Variants in IDO2 observed in about 807,000 individuals in gnomAD.
The protein encoded by IDO2 is indoleamine 2,3-dioxygenase-like 1 protein.
A neutral mutation model predicts 45.1 loss-of-function variants in IDO2; 46 were observed. That is an observed-to-expected ratio of 1.02 (90% confidence interval 0.80 to 1.30). The LOEUF is 1.30. IDO2 is among the 50% of genes most tolerant of loss of function. IDO2 has a pLI of 0.00. For synonymous variants in IDO2, 218 were observed against 184.9 expected, an observed-to-expected ratio of 1.18 and a Z score of -1.45; for missense variants, 544 against 491.8, an observed-to-expected ratio of 1.11 and a Z score of -1.00.
At chr8:39,955,582 G>A (rs996074117) in intron 2 of IDO2, among the ~76,000 whole-genome samples, 2 of 151,950 alleles carry the variant, frequency 1.3e-5, no homozygotes, top group Admixed American at 1.3e-4. Context: ...ATGCCAGGTG[G>A]GGGGAGGGGA....
chr8:39,955,594 A>C (rs1429179580), intron 2 of IDO2, among the ~76,000 whole-genome samples: 1 of 152,084 alleles, frequency 6.6e-6, no homozygotes, highest in Non-Finnish European at 1.5e-5. Context: ...GGGAGGGGAC[A>C]GAGAAAGTTG....
At chr8:39,985,751 C>T in intron 6 of IDO2, 1 of 518,224 alleles carries the variant, frequency 1.9e-6, no homozygotes, top group East Asian at 3.2e-5. Flanking sequence ...CTGTATTTTC[C>T]AGTCTGTACA....
chr8:39,951,275 A>ATT (rs71220803), intron 2 of IDO2, among the ~76,000 whole-genome samples: 1 of 136,030 alleles, frequency 7.4e-6, no homozygotes. Flanking sequence ...GGACCCCAAG[A>ATT]TTTTTTTTTT....
At chr8:40,010,024 C>CATTTCA (rs1321680883) in intron 9 of IDO2, among the ~76,000 whole-genome samples, 1 of 120,210 alleles carries the variant, frequency 8.3e-6, no homozygotes, top group Non-Finnish European at 1.8e-5. Context: ...CTGGAGCTTA[C>CATTTCA]ATTTCAATGC....
intron 4 of IDO2, among the ~76,000 whole-genome samples, chr8:39,981,834 G>C (rs1009839602): frequency 3.3e-5 from 5 of 152,146 alleles, no homozygotes; most frequent in African/African-American, 1.2e-4. Context: ...ATCTAGACTC[G>C]TTCAGCCTTT....
intron 5 of IDO2, among the ~76,000 whole-genome samples, chr8:39,983,424 C>T (rs955910033): frequency 3.3e-5 from 5 of 152,182 alleles, no homozygotes; most frequent in Non-Finnish European, 5.9e-5. Context: ...ACAGCACTTT[C>T]TTTTGTGGCT....
intron 3 of IDO2, among the ~76,000 whole-genome samples, chr8:39,973,730 G>GTTTT (rs1808215281): frequency 8.5e-6 from 1 of 117,454 alleles, no homozygotes; most frequent in Non-Finnish European, 1.7e-5. Flanking sequence ...GGGTTTTCTT[G>GTTTT]TGTTTCGTTT....
rs546649710 is a variant in IDO2 at position 40,008,482 on chromosome 8, C to T, written c.719+3104C>T. On this transcript the variant is annotated intron_variant, in intron 9 of 10. Transcript: ENST00000502986. Reference sequence around the variant, plus strand: ...TTACCTAGGTAATTCAGGATAACTCCCTATGTCAAGGTCAACTGATTAATA... The same window carrying T: ...TTACCTAGGTAATTCAGGATAACTCTCTATGTCAAGGTCAACTGATTAATA... Among the ~76,000 whole-genome samples the T allele has an allele frequency of 7.0e-4, 106 of 152,302 alleles. 2 individuals are homozygous for T. The South Asian group carries it at 0.021, about 31-fold the overall frequency.
At chr8:39,987,992 C>G (rs73621312) in intron 7 of IDO2, 22 bp downstream of exon 7, 1 of 1,423,370 alleles carries the variant, frequency 7.0e-7, no homozygotes, top group Non-Finnish European at 9.8e-7. Context: ...CTTGATAGCA[C>G]CTTTTCTTTT....
chr8:39,989,726 T>C, exon 8 of IDO2: 1 of 1,585,026 alleles, frequency 6.3e-7, no homozygotes, highest in South Asian at 1.2e-5. Flanking sequence ...CCTAGGCTCT[T>C]GTTCAGGCCA....
At chr8:39,995,251 C>CTTCTTCTTCTTCTTCTTCTTCTT (rs1554548609) in intron 8 of IDO2, 1 of 78,030 alleles carries the variant, frequency 1.3e-5, no homozygotes, top group African/African-American at 5.1e-5. Flanking sequence ...TTCTCCTTCT[C>CTTCTTCTTCTTCTTCTTCTTCTT]CTTCTTCTTC....
At chr8:39,965,038 T>G (rs1473902331) in intron 3 of IDO2, among the ~76,000 whole-genome samples, 1 of 152,222 alleles carries the variant, frequency 6.6e-6, no homozygotes, top group African/African-American at 2.4e-5. Flanking sequence ...TCGTCTGCCG[T>G]AGGCATTTAC....
chr8:39,989,722 C>CTCT, exon 8 of IDO2: 5 of 1,579,920 alleles, frequency 3.2e-6, no homozygotes, highest in Non-Finnish European at 4.3e-6. Context: ...CATCCCTAGG[C>CTCT]TCTTGTTCAG....
chr8:39,964,642 GT>G (rs1209979370), intron 3 of IDO2, among the ~76,000 whole-genome samples: 2 of 152,214 alleles, frequency 1.3e-5, no homozygotes, highest in Non-Finnish European at 2.9e-5. Context: ...CTAGAACCTT[GT>G]AAAAGATGAG....
At chr8:39,963,832 T>C in intron 3 of IDO2, 129 bp downstream of exon 3, 2 of 570,210 alleles carry the variant, frequency 3.5e-6, no homozygotes, top group Non-Finnish European at 3.1e-6. Flanking sequence ...TCAGCAAAGC[T>C]ATATCTTCCT....
chr8:39,951,023 G>A (rs547061158), intron 2 of IDO2, among the ~76,000 whole-genome samples: 99 of 40,084 alleles, frequency 2.5e-3, no homozygotes, highest in African/African-American at 4.4e-3. Flanking sequence ...AGCGAAACTC[G>A]TCTCAAAACA....
intron 8 of IDO2, chr8:39,995,254 T>TCTCCTC (rs1563438309): frequency 9.2e-6 from 1 of 109,158 alleles, no homozygotes; most frequent in Non-Finnish European, 1.8e-5. Context: ...TCCTTCTCCT[T>TCTCCTC]CTTCTTCTTC....
intron 1 of IDO2, among the ~76,000 whole-genome samples, chr8:39,948,798 T>C (rs1390253787): frequency 6.6e-6 from 1 of 152,132 alleles, no homozygotes; most frequent in Non-Finnish European, 1.5e-5. Context: ...CAGGTACCTG[T>C]TAGGGTACAG....
intron 8 of IDO2, among the ~76,000 whole-genome samples, chr8:39,993,186 T>C (rs754315830): frequency 1.3e-5 from 2 of 152,152 alleles, no homozygotes; most frequent in Non-Finnish European, 2.9e-5. Flanking sequence ...AAGGTTAAAC[T>C]ATTTTCAGAC....
Sources: gnomAD v4.1 joint callset for allele counts (sites outside exome capture counted in the v4.1 genomes callset) on GRCh38, gnomAD v4.1.1 for gene constraint, MANE v1.5 for transcripts, NCBI Gene and HGNC (gene_info 2026-07-23, HGNC 2026-07-21) for gene names.